The following ERI2 variants were observed in gnomAD, a reference collection of about 807,000 sequenced individuals.
ERI2 encodes ERI1 exoribonuclease 2.
A neutral mutation model predicts 46.8 loss-of-function variants in ERI2; 35 were observed. That is an observed-to-expected ratio of 0.75 (90% CI 0.57 to 0.99). ERI2 has a LOEUF of 0.99. ERI2 is among the 50% of genes least tolerant of loss of function. ERI2 has a pLI of 0.00. For synonymous variants in ERI2, 224 were observed against 271.0 expected (o/e 0.83, Z 1.70); for missense variants, 695 against 796.2 (o/e 0.87, Z 1.53).
downstream of ERI2, chr16:20,792,748 T>C: frequency 3.0e-6 from 3 of 983,800 alleles, no homozygotes; most frequent in Non-Finnish European, 2.4e-6. Flanking sequence ...ATGTCAGAAG[T>C]GGGAACCAGA....
intron 10 of ERI2, chr16:20,780,930 AT>A (rs1330860042): frequency 6.2e-7 from 1 of 1,612,306 alleles, no homozygotes; most frequent in South Asian, 1.1e-5. Flanking sequence ...GGTCTTTTAT[AT>A]TTATTTTCCT....
chr16:20,798,152 A>G lies in ERI2; in HGVS notation c.1648T>C (p.Phe550Leu). 7 of 1,551,588 alleles carry G rather than the reference A, an allele frequency of 4.5e-6. No homozygotes were observed. Among genetic ancestry groups the G allele is most frequent in the Non-Finnish European group, 6.1e-6 (7 of 1,146,912 alleles). The change falls in exon 9 of 9, where the codon TTC becomes CTC. Residue 550 changes from phenylalanine (F) to leucine (L), a missense_variant. Coordinates refer to ENST00000357967, the MANE Select transcript of ERI2 (RefSeq NM_001142725.2). ...QAFPPAKKQPFTIHEEKPTSS... is the reference protein window; with the variant it reads ...QAFPPAKKQPLTIHEEKPTSS... ...GTAGGCTTTTCTTCATGAATAGTGA[A>G]GGGTTGTTTTTTTGCTGGTGGGAAA...
intron 10 of ERI2, chr16:20,780,825 C>T (rs746186908): frequency 3.1e-6 from 5 of 1,614,096 alleles, no homozygotes; most frequent in Non-Finnish European, 4.2e-6. Context: ...ACACCCACAG[C>T]AGTTTTGGTT....
downstream of ERI2, chr16:20,792,383 C>T (rs1313157474): frequency 1.2e-6 from 2 of 1,603,934 alleles, no homozygotes; most frequent in Admixed American, 3.3e-5. Context: ...GGCAATTTAA[C>T]ACATACTTAC....
At position 20,799,050 on chromosome 16, in the gene ERI2, A is replaced by G; in HGVS notation, c.750T>C (p.Asn250=). The change falls in exon 9 of 9, where the codon AAT becomes AAC. Residue 250 remains asparagine, a synonymous_variant. Coordinates refer to ENST00000357967, the MANE Select transcript of ERI2 (RefSeq NM_001142725.2). ...RSLNKVPTKK[N]FSILARNLNT... ...TCAAATTTCTGGCCAGAATGCTGAA[A>G]TTCTTCTTAGTGGGAACCTATGATT... 6.6e-7 allele frequency: 1 copy of G among 1,511,024 alleles called. No individual in the cohort carries two copies. Among genetic ancestry groups the G allele is most frequent in the South Asian group, 1.3e-5 (1 of 75,754 alleles). 93.6% of individuals were successfully genotyped at this position (1,511,024 alleles called of 1,614,324 possible).
chr16:20,799,507 G>T, intron 7 of ERI2, 156 bp from the exon 8 acceptor site: 1 of 674,150 alleles, frequency 1.5e-6, no homozygotes. Flanking sequence ...TGATAAACTG[G>T]TCTTGGAAGT....
chr16:20,794,386 G>C (rs2080673799), downstream of ERI2, among the ~76,000 whole-genome samples: 2 of 152,192 alleles, frequency 1.3e-5, no homozygotes, highest in Admixed American at 6.5e-5. Context: ...CTTATGCAGT[G>C]ATGGAAATGT....
intron 10 of ERI2, among the ~76,000 whole-genome samples, chr16:20,781,424 A>T (rs765483619): frequency 2.0e-5 from 3 of 152,216 alleles, no homozygotes; most frequent in Non-Finnish European, 4.4e-5. Flanking sequence ...AAATATATAC[A>T]TAGCATTTAC....
At chr16:20,806,066 G>C in intron 1 of ERI2, 2 of 1,228,188 alleles carry the variant, frequency 1.6e-6, no homozygotes, top group Non-Finnish European at 2.0e-6. Flanking sequence ...TTCAGTGTGT[G>C]GCCTGCCTGA....
chr16:20,801,019 A>T, intron 5 of ERI2, 184 bp downstream of exon 5: 1 of 448,012 alleles, frequency 2.2e-6, no homozygotes. Context: ...CCAAAAGGTT[A>T]ATTTAAAAAA....
chr16:20,796,498 C>A lies in ERI2; in HGVS notation c.*1226G>T, dbSNP rs762042962. On this transcript the variant is annotated 3_prime_UTR_variant, in exon 9 of 9. Coordinates refer to ENST00000357967, the MANE Select transcript of ERI2 (RefSeq NM_001142725.2). The stretch of plus-strand genomic sequence containing the variant: ...ACAAATATCCCAGAAAGGTAGGCAT[C>A]CTAATTATAACGAATATTTGCTCAG... 1.7e-5 allele frequency: 28 copies of A among 1,610,040 alleles called. No homozygotes were observed. The highest frequency in any genetic ancestry group is 2.4e-5 in the Non-Finnish European group (28 of 1,179,178).
rs947140023 is a variant in ERI2, at chr16:20,796,836, T to C, written c.*888A>G. The stretch of plus-strand genomic sequence containing the variant: ...TCAAACTGCTATATAATTGGCTTTA[T>C]GTAAAGATAAAAATTTCCAGGCTAA... On this transcript the variant is annotated 3_prime_UTR_variant, in exon 9 of 9. Transcript: ENST00000357967. 3 of 1,605,706 alleles carry C rather than the reference T, an allele frequency of 1.9e-6. No individual in the cohort carries two copies. Among genetic ancestry groups the C allele is most frequent in the East Asian group, 2.2e-5 (1 of 44,678 alleles).
At chr16:20,784,812 A>G (rs963930287) in intron 10 of ERI2, among the ~76,000 whole-genome samples, 2 of 152,136 alleles carry the variant, frequency 1.3e-5, no homozygotes, top group African/African-American at 4.8e-5. Context: ...TAATTTGTGT[A>G]GGTACTTAGT....
rs750490521 is a variant in ERI2 at position 20,803,688 on chromosome 16, T to A, written c.24-18A>T. 70 of 1,612,482 alleles carry A rather than the reference T, an allele frequency of 4.3e-5. No individual in the cohort carries two copies. The highest frequency in any genetic ancestry group is 5.7e-5 in the Non-Finnish European group (67 of 1,179,244). ...CAAGCTGCCTAAAAATGTGAAGCAA[T>A]CCAAATATGATCAATGAACTCATTC... On this transcript the variant is annotated intron_variant, in intron 1 of 8. Coordinates refer to ENST00000357967, the MANE Select transcript of ERI2 (RefSeq NM_001142725.2).
chr16:20,791,583 C>A (rs1002318767), downstream of ERI2, among the ~76,000 whole-genome samples: 5 of 152,316 alleles, frequency 3.3e-5, no homozygotes, highest in African/African-American at 1.2e-4. Context: ...CTTCCTAACT[C>A]TAATGCTTCT....
At chr16:20,800,678 A>G in intron 5 of ERI2, 1 of 257,018 alleles carries the variant, frequency 3.9e-6, no homozygotes, top group Non-Finnish European at 7.3e-6. Flanking sequence ...TATTTTCTAT[A>G]TTCTAGGAAA....
chr16:20,800,799 A>C (rs1379673401), intron 5 of ERI2: 1 of 176,702 alleles, frequency 5.7e-6, no homozygotes, highest in Non-Finnish European at 1.2e-5. Flanking sequence ...TATTAACAGC[A>C]ATGCTCTAAC....
rs1036047509 is a variant in ERI2, at chr16:20,798,884, C to T, written c.916G>A (p.Ala306Thr). Residue 306 changes from alanine (A) to threonine (T), a missense_variant, in exon 9 of 9, where the codon GCA becomes ACA. Coordinates refer to ENST00000357967, the MANE Select transcript of ERI2 (RefSeq NM_001142725.2). The part of the protein sequence containing the change: ...KSICANSPIK[A>T]QQDQLQVKNN... ...TTTACTTGTAATTGATCCTGTTGTGCCTTTATAGGAGAATTTGCACAAATT... is the reference window on the plus strand; with the variant it reads ...TTTACTTGTAATTGATCCTGTTGTGTCTTTATAGGAGAATTTGCACAAATT... The T allele has an allele frequency of 1.3e-6, 2 of 1,550,206 alleles. No homozygotes were observed. Among genetic ancestry groups the T allele is most frequent in the Non-Finnish European group, 1.7e-6 (2 of 1,146,636 alleles).
intron 3 of ERI2, 109 bp from the exon 4 acceptor site, chr16:20,803,032 G>A (rs912383541): frequency 8.4e-7 from 1 of 1,187,422 alleles, no homozygotes; most frequent in Non-Finnish European, 1.1e-6. Flanking sequence ...CCAGTTTTCA[G>A]TAAAAGCATA....
Sources: allele counts gnomAD v4.1 joint callset (sites outside exome capture counted in the v4.1 genomes callset), GRCh38; gene constraint gnomAD v4.1.1; transcripts MANE v1.5; gene names NCBI Gene and HGNC (gene_info 2026-07-23, HGNC 2026-07-21).